Variants in FAM20A observed in about 807,000 individuals in gnomAD.
FAM20A encodes the protein FAM20A golgi associated secretory pathway pseudokinase.
A neutral mutation model predicts 52.0 loss-of-function variants in FAM20A; 42 were observed. The observed-to-expected ratio is 0.81, with a 90% CI of 0.63 to 1.04. FAM20A has a LOEUF of 1.04. Ranked by LOEUF, FAM20A falls within the 50% of genes least tolerant of loss-of-function variation. The probability of loss-of-function intolerance (pLI) is 0.00; values close to 1 mark genes in which losing one functional copy is unlikely to be tolerated. For missense variants in FAM20A, 742 were observed against 712.7 expected (o/e 1.04, Z -0.47); for synonymous variants, 304 against 298.9 (o/e 1.02, Z -0.18).
At chr17:68,539,298 C>T (rs763065277) in intron 10 of FAM20A, 39 bp downstream of exon 10, 1 of 1,609,358 alleles carries the variant, frequency 6.2e-7, no homozygotes, top group Non-Finnish European at 8.5e-7. Context: ...AGGGTCACAA[C>T]TGTTACTTGC....
At chr17:68,546,977 A>G (rs764829808) in intron 4 of FAM20A, among the ~76,000 whole-genome samples, 2 of 152,046 alleles carry the variant, frequency 1.3e-5, no homozygotes, top group Non-Finnish European at 2.9e-5. Context: ...GACTAGGTGT[A>G]TTACCAATGA....
intron 1 of FAM20A, among the ~76,000 whole-genome samples, chr17:68,574,639 C>T (rs1332792639): frequency 6.6e-6 from 1 of 152,142 alleles, no homozygotes; most frequent in African/African-American, 2.4e-5. Flanking sequence ...TAACTTTATC[C>T]TTTACAAAGG....
intron 1 of FAM20A, among the ~76,000 whole-genome samples, chr17:68,588,346 A>C (rs2088215851): frequency 6.6e-6 from 1 of 152,244 alleles, no homozygotes; most frequent in African/African-American, 2.4e-5. Context: ...GGGAGGAAAA[A>C]GAAAATTTCA....
intron 4 of FAM20A, chr17:68,550,943 G>T (rs1047343937): frequency 1.7e-5 from 10 of 599,852 alleles, no homozygotes; most frequent in Non-Finnish European, 2.4e-5. Flanking sequence ...CATCTACTGG[G>T]GCTCTCAATG....
In FAM20A at chr17:68,600,625, C is replaced by T. The variant is rs1244990282; in HGVS notation, c.42G>A (p.Leu14=). Reference sequence around the variant, plus strand: ...GGTCGGCGGAGAGCAGCGCGCCCAGCAGCAGCAGAGTCAGTAGGCGGTCCC... The same window carrying T: ...GGTCGGCGGAGAGCAGCGCGCCCAGTAGCAGCAGAGTCAGTAGGCGGTCCC... The part of the protein sequence containing the change: ...LRRDRLLTLL[L]LGALLSADLY... The change falls in exon 1 of 11, where the codon CTG becomes CTA. Residue 14 remains leucine (L), a synonymous_variant. Coordinates refer to ENST00000592554, the MANE Select transcript of FAM20A (RefSeq NM_017565.4). This position sits in a 1 kb window ranked among gnomAD's most constrained non-coding sequence, Gnocchi z 6.2. 3 of 1,562,134 alleles carry T rather than the reference C, an allele frequency of 1.9e-6. No individual in the cohort carries two copies. Among genetic ancestry groups the T allele is most frequent in the South Asian group, 1.2e-5 (1 of 85,562 alleles).
At position 68,543,657 on chromosome 17, in the gene FAM20A, C is replaced by T. The variant is rs904984146; in HGVS notation, c.784G>A (p.Ala262Thr). The T allele has an allele frequency of 1.2e-6, 2 of 1,614,012 alleles. No homozygotes were observed. Among genetic ancestry groups the T allele is most frequent in the Admixed American group, 1.7e-5 (1 of 60,004 alleles). ...FYFIDFQRHN[A>T]EIAAFHLDRI... ...TCCAGATGGAAAGCTGCGATCTCAGCATTGTGTCTCTGAAAGTCAATGAAG... is the reference window on the plus strand; with the variant it reads ...TCCAGATGGAAAGCTGCGATCTCAGTATTGTGTCTCTGAAAGTCAATGAAG... The change falls in exon 5 of 11, where the codon GCT becomes ACT. Residue 262 changes from alanine (A) to threonine (T), a missense_variant. By Grantham distance (58) the Ala-to-Thr change is moderately conservative. Transcript: ENST00000592554.
rs1415374784 is a variant in FAM20A at position 68,559,470 on chromosome 17, C to G, written c.405-3727G>C. Reference sequence around the variant, plus strand: ...AAGCACAAAGTCTTCATGGCTGTTGCTTTCATCAACAAAAATAAAACCTTA... The same window carrying G: ...AAGCACAAAGTCTTCATGGCTGTTGGTTTCATCAACAAAAATAAAACCTTA... On this transcript the variant is annotated intron_variant, in intron 1 of 10. Coordinates refer to ENST00000592554, the MANE Select transcript of FAM20A (RefSeq NM_017565.4). Among the ~76,000 whole-genome samples the G allele has an allele frequency of 3.3e-5, 5 of 152,258 alleles. No homozygotes were observed. The East Asian group carries it at 7.7e-4, about 23-fold the overall frequency.
At chr17:68,586,503 A>G (rs2088168142) in intron 1 of FAM20A, among the ~76,000 whole-genome samples, 1 of 152,220 alleles carries the variant, frequency 6.6e-6, no homozygotes. Context: ...CTGATAGCCA[A>G]TGACAAGTGT....
chr17:68,562,794 C>T (rs1303522866), intron 1 of FAM20A, among the ~76,000 whole-genome samples: 1 of 151,972 alleles, frequency 6.6e-6, no homozygotes, highest in African/African-American at 2.4e-5. Flanking sequence ...CAAGCTGTGT[C>T]AATCTGAGGA....
At position 68,537,317 on chromosome 17, in the gene FAM20A, A is replaced by G. The variant is rs1382910115; in HGVS notation, c.*160T>C. 1.1e-6 allele frequency: 1 copy of G among 905,142 alleles called. No homozygotes were observed. The highest frequency in any genetic ancestry group is 1.4e-5 in the South Asian group (1 of 71,644). The allele number at this position is 905,142 out of a possible 1,614,324, so 56.1% of individuals were successfully genotyped here. ...GCGGTGCACCAAGGAGTAAAGATTC[A>G]GTTCCATGGGCCCCACTTGCTGTTT... On this transcript the variant is annotated 3_prime_UTR_variant, in exon 11 of 11. Coordinates refer to ENST00000592554, the MANE Select transcript of FAM20A (RefSeq NM_017565.4). This position sits in a 1 kb window ranked among gnomAD's most constrained non-coding sequence, Gnocchi z 4.2.
chr17:68,600,140 G>A lies in FAM20A; in HGVS notation c.404+123C>T. 8.4e-7 allele frequency: 1 copy of A among 1,192,528 alleles called. No individual in the cohort carries two copies. Among genetic ancestry groups the A allele is most frequent in the South Asian group, 1.5e-5 (1 of 65,630 alleles). 73.9% of individuals were successfully genotyped at this position (1,192,528 alleles called of 1,614,324 possible). On this transcript the variant is annotated intron_variant, in intron 1 of 10. Transcript: ENST00000592554. The surrounding 1 kb of genome is among the most constrained non-coding windows in gnomAD (Gnocchi z 6.2). ...GAACACACTCTAAGCCCAGCGCCAG[G>A]GCTGGAGCCGTGGGTGGAGCCGCTG...
chr17:68,589,859 A>G (rs1598080328), intron 1 of FAM20A, among the ~76,000 whole-genome samples: 2 of 152,232 alleles, frequency 1.3e-5, no homozygotes, highest in East Asian at 3.8e-4. Context: ...ATTGGATGTA[A>G]GGGGAGACAG....
chr17:68,552,024 T>G lies in FAM20A; in HGVS notation c.641-73A>C, dbSNP rs1008907329. ...AAGGCTTGTGACTCTGTTCCTTCAATAAGCCCAGCTGACTTCGCTTTCCTC... is the reference window on the plus strand; with the variant it reads ...AAGGCTTGTGACTCTGTTCCTTCAAGAAGCCCAGCTGACTTCGCTTTCCTC... On this transcript the variant is annotated intron_variant, in intron 3 of 10. Coordinates refer to ENST00000592554, the MANE Select transcript of FAM20A (RefSeq NM_017565.4). The G allele has an allele frequency of 3.1e-6, 3 of 955,962 alleles. No individual in the cohort carries two copies. In the African/African-American group the frequency reaches 4.9e-5, roughly 16 times the overall value. 59.2% of individuals were successfully genotyped at this position (955,962 alleles called of 1,614,324 possible).
At chr17:68,562,597 A>T (rs2087245504) in intron 1 of FAM20A, among the ~76,000 whole-genome samples, 1 of 150,622 alleles carries the variant, frequency 6.6e-6, no homozygotes, top group East Asian at 1.9e-4. Context: ...CTCCCCATCT[A>T]GCATCCTTTT....
intron 10 of FAM20A, among the ~76,000 whole-genome samples, chr17:68,538,168 A>G (rs1279131952): frequency 6.6e-6 from 1 of 152,200 alleles, no homozygotes; most frequent in Non-Finnish European, 1.5e-5. Flanking sequence ...GTTTCTTGCT[A>G]ACTTTATTTC....
intron 1 of FAM20A, among the ~76,000 whole-genome samples, chr17:68,575,689 T>A (rs1312633494): frequency 8.0e-6 from 1 of 125,296 alleles, no homozygotes; most frequent in Non-Finnish European, 1.6e-5. Flanking sequence ...TTTTTATATT[T>A]TATATTATAT....
chr17:68,540,774 G>A (rs1347628958), intron 8 of FAM20A, 75 bp downstream of exon 8: 2 of 1,532,646 alleles, frequency 1.3e-6, no homozygotes, highest in South Asian at 1.2e-5. Context: ...TTGTAAGTTT[G>A]TGCTCAAGGT....
At chr17:68,561,374 C>CT (rs2087207427) in intron 1 of FAM20A, among the ~76,000 whole-genome samples, 1 of 152,158 alleles carries the variant, frequency 6.6e-6, no homozygotes, top group African/African-American at 2.4e-5. Context: ...CTAGCTAGTT[C>CT]TTTAACAATC....
In FAM20A at chr17:68,600,663, G is replaced by C. The variant is rs778637152; in HGVS notation, c.4C>G (p.Pro2Ala). 2 of 1,543,258 alleles carry C rather than the reference G, an allele frequency of 1.3e-6. No homozygotes were observed. The highest frequency in any genetic ancestry group is 1.7e-6 in the Non-Finnish European group (2 of 1,151,180). M[P>A]GLRRDRLLTL... ...AGTAGGCGGTCCCGGCGCAGCCCCG[G>C]CATGGCGTGCTGGCCAAGGGGGACG... Residue 2 changes from proline (P) to alanine (A), a missense_variant, in exon 1 of 11, where the codon CCG (proline) becomes GCG (alanine). Pro to Ala is a conservative substitution (Grantham distance 27, BLOSUM62 -1). Transcript: ENST00000592554. The surrounding 1 kb of genome is among the most constrained non-coding windows in gnomAD (Gnocchi z 6.2).
Sources: gnomAD v4.1 joint callset for allele counts (sites outside exome capture counted in the v4.1 genomes callset) on GRCh38, gnomAD v4.1.1 for gene constraint, Gnocchi (gnomAD v3.1) non-coding constraint, MANE v1.5 for transcripts, NCBI Gene and HGNC (gene_info 2026-07-23, HGNC 2026-07-21) for gene names.